The following TMEM260 variants were observed in gnomAD, a reference collection of about 807,000 sequenced individuals.
TMEM260 encodes protein O-mannosyl-transferase TMEM260.
A neutral mutation model predicts 88.9 loss-of-function variants in TMEM260; 82 were observed. The observed-to-expected ratio is 0.92, with a 90% confidence interval of 0.77 to 1.11. The LOEUF (loss-of-function observed/expected upper bound fraction) is 1.11. Ranked by LOEUF, TMEM260 falls within the 50% of genes least tolerant of loss-of-function variation. The pLI, the probability that TMEM260 is intolerant of heterozygous loss-of-function variation, is 0.00. For missense variants in TMEM260, 902 were observed against 853.4 expected (o/e 1.06, Z -0.71); for synonymous variants, 314 against 309.3 (o/e 1.02, Z -0.16).
chr14:56,600,213 GTATA>G (rs1319518430), intron 3 of TMEM260, among the ~76,000 whole-genome samples: 1 of 152,098 alleles, frequency 6.6e-6, no homozygotes, highest in African/African-American at 2.4e-5. Context: ...TTCATATTCC[GTATA>G]TCCTATGTAT....
chr14:56,600,659 G>T (rs920124812), intron 3 of TMEM260, among the ~76,000 whole-genome samples: 2 of 152,098 alleles, frequency 1.3e-5, no homozygotes, highest in African/African-American at 2.4e-5. Flanking sequence ...AGGATGGCTA[G>T]AATTAAAAAG....
intron 3 of TMEM260, among the ~76,000 whole-genome samples, chr14:56,598,689 A>G (rs1337196818): frequency 1.3e-5 from 2 of 152,188 alleles, no homozygotes; most frequent in East Asian, 1.9e-4. Flanking sequence ...CATCATCCTT[A>G]TCACTACTAG....
intron 2 of TMEM260, 60 bp from the exon 3 acceptor site, chr14:56,585,701 C>T (rs1315425604): frequency 2.0e-6 from 3 of 1,527,630 alleles, no homozygotes; most frequent in African/African-American, 1.4e-5. Context: ...TCAATTAAGG[C>T]CTGTGGGACT....
chr14:56,626,410 C>T (rs1014384792), intron 12 of TMEM260, among the ~76,000 whole-genome samples: 2 of 152,108 alleles, frequency 1.3e-5, no homozygotes, highest in African/African-American at 4.8e-5. Context: ...AATTCAATCC[C>T]ACAAGCATTT....
In TMEM260 at chr14:56,625,394, G is replaced by A. The variant is rs113277637; in HGVS notation, c.1411G>A (p.Glu471Lys). ...ACTTTTCTGGCAGATGATGACTTAC[G>A]AGTGGTATTTACCCAAGATGGCAAA... ...SLVDQEMMTYEWYLPKMAKHL... is the reference protein window; with the variant it reads ...SLVDQEMMTYKWYLPKMAKHL... The change falls in exon 12 of 16, where the codon GAG becomes AAG. Residue 471 changes from glutamate to lysine, a missense_variant. Transcript: ENST00000261556. 13,525 of 1,613,052 alleles carry A rather than the reference G, an allele frequency of 8.4e-3. 80 individuals carry two copies. Among genetic ancestry groups the A allele is most frequent in the Non-Finnish European group, 0.01 (12,270 of 1,179,724 alleles).
chr14:56,616,098 G>A (rs1006536816), intron 8 of TMEM260, 71 bp downstream of exon 8: 45 of 1,129,578 alleles, frequency 4.0e-5, no homozygotes, highest in East Asian at 9.5e-5. Flanking sequence ...TCAGTATGTC[G>A]CTGTAGGACA....
In TMEM260 at chr14:56,632,995, A is replaced by C. The variant is rs199519906; in HGVS notation, c.1548A>C (p.Gln516His). Residue 516 changes from glutamine (Q) to histidine (H), a missense_variant and splice_region_variant, in exon 13 of 16, where the codon CAA (glutamine) becomes CAC (histidine). Gln to His is a conservative substitution (Grantham distance 24). Transcript: ENST00000261556. The stretch of plus-strand genomic sequence containing the variant: ...TCATGTATTTTTCTGTTTCCAACAG[A>C]AAAGAAACATTTGTTTGCATAGGAA... ...NLYHFLEVNKQKETFVCIGIH... is the reference protein window; with the variant it reads ...NLYHFLEVNKHKETFVCIGIH... The C allele has an allele frequency of 1.2e-6, 2 of 1,613,302 alleles. No homozygotes were observed. The highest frequency in any genetic ancestry group is 4.5e-5 in the East Asian group (2 of 44,826).
intron 3 of TMEM260, among the ~76,000 whole-genome samples, chr14:56,594,730 A>T (rs1886099324): frequency 6.6e-6 from 1 of 152,236 alleles, no homozygotes; most frequent in Non-Finnish European, 1.5e-5. Flanking sequence ...TCCTATTTAA[A>T]TAATGTCAGG....
chr14:56,632,900 G>GA (rs1336448403), intron 12 of TMEM260, 95 bp from the exon 13 acceptor site: 54 of 1,231,494 alleles, frequency 4.4e-5, no homozygotes, highest in East Asian at 3.3e-4. Flanking sequence ...TAACTGTTGG[G>GA]AAAAAATCTA....
At chr14:56,653,742 A>AAAAAAAAAAAAAC (rs1555343573), downstream of TMEM260, among the ~76,000 whole-genome samples, 1,525 of 65,668 alleles carry the variant, frequency 0.023, 60 homozygotes, top group African/African-American at 0.046. Context: ...TCTCCAAAAC[A>AAAAAAAAAAAAAC]AAAAAAAAAA....
intron 3 of TMEM260, among the ~76,000 whole-genome samples, chr14:56,587,080 A>G (rs903729774): frequency 6.6e-6 from 1 of 151,756 alleles, no homozygotes; most frequent in South Asian, 2.1e-4. Context: ...GTCTTTTGTA[A>G]TTAATAATCT....
rs1283388398 is a variant in TMEM260, at chr14:56,645,257, A to T, written c.1870-1986A>T. ...TTGGAACCAACCCAATGTCCAACAAAGATAGACTGGATTAAGAAAATGTGG... is the reference window on the plus strand; with the variant it reads ...TTGGAACCAACCCAATGTCCAACAATGATAGACTGGATTAAGAAAATGTGG... On this transcript the variant is annotated intron_variant, in intron 15 of 15. Coordinates refer to ENST00000261556, the MANE Select transcript of TMEM260 (RefSeq NM_017799.4). Among the ~76,000 whole-genome samples the T allele has an allele frequency of 9.3e-5, 14 of 151,290 alleles. No individual in the cohort carries two copies. The East Asian group carries it at 1.8e-3, about 19-fold the overall frequency.
At chr14:56,627,431 A>C (rs1888307520) in intron 12 of TMEM260, among the ~76,000 whole-genome samples, 1 of 152,192 alleles carries the variant, frequency 6.6e-6, no homozygotes, top group South Asian at 2.1e-4. Flanking sequence ...AAACTTTGTA[A>C]ATACATGTAC....
In TMEM260 at chr14:56,648,532, A is replaced by G. The variant is rs1890103509; in HGVS notation, c.*1035A>G. 1 of 152,564 alleles carries G rather than the reference A, an allele frequency of 6.6e-6. No individual in the cohort carries two copies. Among genetic ancestry groups the G allele is most frequent in the Non-Finnish European group, 1.5e-5 (1 of 68,042 alleles). 9.5% of individuals were successfully genotyped at this position (152,564 alleles called of 1,614,324 possible). On this transcript the variant is annotated 3_prime_UTR_variant, in exon 16 of 16. Transcript: ENST00000261556. ...AGCACTATATAGGCCCCTGTATAGA[A>G]ATGCTCACTAATGAAGAGGGAGGGC...
At chr14:56,600,004 G>A (rs1266444874) in intron 3 of TMEM260, among the ~76,000 whole-genome samples, 1 of 152,106 alleles carries the variant, frequency 6.6e-6, no homozygotes, top group East Asian at 1.9e-4. Context: ...AGACAATTTG[G>A]TCAACATTTA....
downstream of TMEM260, among the ~76,000 whole-genome samples, chr14:56,651,368 A>G (rs1566587723): frequency 6.6e-6 from 1 of 152,168 alleles, no homozygotes; most frequent in East Asian, 1.9e-4. Context: ...TGTAACATAC[A>G]TTTGATGGAA....
chr14:56,612,328 A>G (rs758330040), intron 7 of TMEM260, 43 bp downstream of exon 7: 116 of 1,515,954 alleles, frequency 7.7e-5, no homozygotes, highest in Non-Finnish European at 9.9e-5. Context: ...TGAATTCTCT[A>G]TTAGTTCCTT....
chr14:56,633,966 C>T (rs1230688173), intron 13 of TMEM260, among the ~76,000 whole-genome samples: 1 of 152,140 alleles, frequency 6.6e-6, no homozygotes, highest in African/African-American at 2.4e-5. Context: ...TGCGCAAATA[C>T]AGACCACATT....
chr14:56,596,402 G>C (rs892501702), intron 3 of TMEM260, among the ~76,000 whole-genome samples: 1 of 125,918 alleles, frequency 7.9e-6, no homozygotes, highest in South Asian at 2.5e-4. Context: ...GTGTGTGTGT[G>C]TGTGTATATA....
Sources: allele counts gnomAD v4.1 joint callset (sites outside exome capture counted in the v4.1 genomes callset), GRCh38; gene constraint gnomAD v4.1.1; transcripts MANE v1.5; gene names NCBI Gene and HGNC (gene_info 2026-07-23, HGNC 2026-07-21).